Variants in FGF2 observed in about 807,000 individuals in gnomAD.
FGF2 encodes basic fibroblast growth factor bFGF.
In FGF2, 13 loss-of-function variants were observed where a neutral mutation model predicts 15.9. The ratio of observed to expected loss-of-function variants is 0.82; its 90% CI spans 0.53 to 1.30. The LOEUF (loss-of-function observed/expected upper bound fraction) is 1.30, where lower values mean the gene tolerates loss of function less well. Ranked by LOEUF, FGF2 falls within the 50% of genes most tolerant of loss-of-function variation. The probability of loss-of-function intolerance (pLI) is 0.00; values close to 1 mark genes in which losing one functional copy is unlikely to be tolerated. For missense variants in FGF2, 163 were observed against 196.9 expected (o/e 0.83, Z 1.03); for synonymous variants, 90 against 78.4 (o/e 1.15, Z -0.78).
At chr4:122,877,904 T>C (rs45593236) in intron 2 of FGF2, among the ~76,000 whole-genome samples, 7 of 152,264 alleles carry the variant, frequency 4.6e-5, no homozygotes, top group Non-Finnish European at 8.8e-5. Context: ...TATACTTACA[T>C]TGATATTACC....
intron 1 of FGF2, among the ~76,000 whole-genome samples, chr4:122,871,366 A>G (rs1394463748): frequency 6.6e-6 from 1 of 151,936 alleles, no homozygotes; most frequent in Non-Finnish European, 1.5e-5. Context: ...TCAAGTCCTG[A>G]ATATCCTTGT....
At chr4:122,859,401 T>G (rs1166348937) in intron 1 of FGF2, among the ~76,000 whole-genome samples, 1 of 151,986 alleles carries the variant, frequency 6.6e-6, no homozygotes, top group African/African-American at 2.4e-5. Context: ...AACTAAAAAT[T>G]TATTTATTCT....
chr4:122,851,323 A>G (rs1726227216), intron 1 of FGF2, among the ~76,000 whole-genome samples: 1 of 152,180 alleles, frequency 6.6e-6, no homozygotes, highest in South Asian at 2.1e-4. Context: ...ATGATTTCTC[A>G]GGGCCAAATT....
At chr4:122,841,280 C>G (rs147448440) in intron 1 of FGF2, among the ~76,000 whole-genome samples, 96 of 152,338 alleles carry the variant, frequency 6.3e-4, no homozygotes, top group African/African-American at 2.3e-3. Flanking sequence ...AGATACCCCT[C>G]AAGGTGTAAA....
chr4:122,889,592 T>C (rs1727127817), intron 2 of FGF2, among the ~76,000 whole-genome samples: 1 of 152,180 alleles, frequency 6.6e-6, no homozygotes, highest in African/African-American at 2.4e-5. Flanking sequence ...ACTACTCATT[T>C]TTTTAAAAAA....
intron 1 of FGF2, among the ~76,000 whole-genome samples, chr4:122,863,554 T>C (rs369790377): frequency 3.3e-5 from 5 of 152,318 alleles, no homozygotes; most frequent in South Asian, 4.1e-4. Context: ...CTCATGTGGT[T>C]ATCTTCTATC....
chr4:122,879,154 T>C (rs1726913716), intron 2 of FGF2, among the ~76,000 whole-genome samples: 1 of 152,244 alleles, frequency 6.6e-6, no homozygotes, highest in African/African-American at 2.4e-5. Context: ...TCTTCTACTC[T>C]GTACTTGCCT....
chr4:122,845,985 G>A (rs1726102365), intron 1 of FGF2, among the ~76,000 whole-genome samples: 1 of 152,118 alleles, frequency 6.6e-6, no homozygotes, highest in African/African-American at 2.4e-5. Context: ...ATCATTTCTA[G>A]ATTTTGATTT....
intron 1 of FGF2, among the ~76,000 whole-genome samples, chr4:122,849,610 A>G (rs962765737): frequency 2.0e-5 from 3 of 152,204 alleles, no homozygotes. Context: ...TAAAAAAAAA[A>G]AGACAAATGT....
intron 1 of FGF2, among the ~76,000 whole-genome samples, chr4:122,844,574 T>TCCTTCCTTC (rs1560740270): frequency 3.7e-4 from 49 of 131,468 alleles, no homozygotes; most frequent in African/African-American, 1.6e-3. Context: ...TCTTTCTTTT[T>TCCTTCCTTC]CTTTCTTTCT....
At chr4:122,889,921 T>C (rs935600684) in intron 2 of FGF2, 9 of 152,184 alleles carry the variant, frequency 5.9e-5, no homozygotes, top group Non-Finnish European at 1.0e-4. Flanking sequence ...GGGAAGCTGA[T>C]AGAACACCAA....
intron 1 of FGF2, among the ~76,000 whole-genome samples, chr4:122,851,238 G>C (rs1052043786): frequency 2.0e-5 from 3 of 152,148 alleles, no homozygotes; most frequent in African/African-American, 7.2e-5. Flanking sequence ...CTAGATTGCT[G>C]GGTAACTTTA....
intron 1 of FGF2, among the ~76,000 whole-genome samples, chr4:122,859,220 G>T (rs1173582915): frequency 6.6e-6 from 1 of 151,706 alleles, no homozygotes; most frequent in Non-Finnish European, 1.5e-5. Context: ...CCCCATGAGG[G>T]TGGAGACTTT....
intron 1 of FGF2, among the ~76,000 whole-genome samples, chr4:122,834,818 C>T (rs1362427333): frequency 1.3e-5 from 2 of 152,184 alleles, no homozygotes; most frequent in African/African-American, 4.8e-5. Context: ...TAATGAAAGG[C>T]CCTCAGGCTT....
At chr4:122,846,450 G>A (rs1726110991) in intron 1 of FGF2, among the ~76,000 whole-genome samples, 1 of 152,124 alleles carries the variant, frequency 6.6e-6, no homozygotes, top group Non-Finnish European at 1.5e-5. Flanking sequence ...GTAAAACAAG[G>A]CATGCCTGTA....
At chr4:122,889,533 T>C (rs1727126230) in intron 2 of FGF2, among the ~76,000 whole-genome samples, 1 of 152,212 alleles carries the variant, frequency 6.6e-6, no homozygotes, top group Non-Finnish European at 1.5e-5. Flanking sequence ...ATTGTACATA[T>C]GTTGCTCTGT....
upstream of FGF2, chr4:122,826,814 G>C (rs1725637803): frequency 5.5e-6 from 8 of 1,451,706 alleles, no homozygotes; most frequent in East Asian, 1.7e-4. Flanking sequence ...AAGATGTGAC[G>C]CCGCGGCCCG....
At chr4:122,854,969 C>G (rs1726310913) in intron 1 of FGF2, among the ~76,000 whole-genome samples, 1 of 152,074 alleles carries the variant, frequency 6.6e-6, no homozygotes, top group African/African-American at 2.4e-5. Context: ...CTTGCCTTTC[C>G]CCCAAAGCTC....
intron 1 of FGF2, among the ~76,000 whole-genome samples, chr4:122,829,640 T>G (rs1351014194): frequency 1.3e-5 from 2 of 152,184 alleles, no homozygotes; most frequent in African/African-American, 4.8e-5. Context: ...TGTGAAATTT[T>G]GTTGCACCCA....
Sources: allele counts gnomAD v4.1 joint callset (sites outside exome capture counted in the v4.1 genomes callset), GRCh38; gene constraint gnomAD v4.1.1; transcripts MANE v1.5; gene names NCBI Gene and HGNC (gene_info 2026-07-23, HGNC 2026-07-21).